Variants in NMBR observed in about 807,000 individuals in gnomAD.
The protein encoded by NMBR is neuromedin B receptor.
Under a neutral mutation model 20.5 loss-of-function variants are expected in NMBR, and 16 were observed. That is an observed-to-expected ratio of 0.78 (90% CI 0.53 to 1.19). NMBR has a LOEUF of 1.19. Ranked by LOEUF, NMBR falls within the 50% of genes most tolerant of loss-of-function variation. NMBR has a pLI of 0.00. For synonymous variants in NMBR, 212 were observed against 196.6 expected, an observed-to-expected ratio of 1.08 and a Z score of -0.65; for missense variants, 582 against 499.1, an observed-to-expected ratio of 1.17 and a Z score of -1.58.
intron 2 of NMBR, among the ~76,000 whole-genome samples, chr6:142,082,766 G>T (rs1777124425): frequency 6.6e-6 from 1 of 152,194 alleles, no homozygotes; most frequent in Non-Finnish European, 1.5e-5. Context: ...TGAAGAATCA[G>T]ATGCCTGCTC....
intron 3 of NMBR, among the ~76,000 whole-genome samples, chr6:142,077,652 T>C (rs1038433956): frequency 6.6e-6 from 1 of 152,212 alleles, no homozygotes; most frequent in African/African-American, 2.4e-5. Context: ...ACTTTACTAG[T>C]TTCTGCTGTT....
At chr6:142,132,366 A>C (rs1291926430) in intron 1 of NMBR, among the ~76,000 whole-genome samples, 2 of 152,180 alleles carry the variant, frequency 1.3e-5, no homozygotes, top group East Asian at 1.9e-4. Flanking sequence ...ACCCATAACA[A>C]TGTCTTACAG....
At chr6:142,119,776 AAG>A (rs1482390531) in intron 1 of NMBR, among the ~76,000 whole-genome samples, 1 of 151,936 alleles carries the variant, frequency 6.6e-6, no homozygotes, top group African/African-American at 2.4e-5. Context: ...CCTTGAAACA[AAG>A]AGTTTCAGAG....
In NMBR at chr6:142,075,719, T is replaced by C. The variant is rs2114549738; in HGVS notation, c.1102A>G (p.Asn368Asp). ...GAATTGGTCACCATGTTCTTAGCATTGCTTTTCAGAGATGTCATACGCACC... is the reference window on the plus strand; with the variant it reads ...GAATTGGTCACCATGTTCTTAGCATCGCTTTTCAGAGATGTCATACGCACC... ...SAVRMTSLKS[N>D]AKNMVTNSVL... The change falls in exon 4 of 4, where the codon AAT becomes GAT. Residue 368 changes from asparagine (N) to aspartate (D), a missense_variant. Asn to Asp is a conservative substitution (Grantham distance 23). Coordinates refer to ENST00000258042, the MANE Select transcript of NMBR (RefSeq NM_002511.4). 1 of 1,614,034 alleles carries C rather than the reference T, an allele frequency of 6.2e-7. No individual in the cohort carries two copies. The highest frequency in any genetic ancestry group is 1.1e-5 in the South Asian group (1 of 91,082).
intron 2 of NMBR, among the ~76,000 whole-genome samples, chr6:142,082,496 T>TA (rs942173562): frequency 4.0e-5 from 6 of 151,734 alleles, no homozygotes; most frequent in South Asian, 2.1e-4. Context: ...CATAGAGAAG[T>TA]AAAAAAAAGA....
intron 1 of NMBR, among the ~76,000 whole-genome samples, chr6:142,142,879 G>A (rs1000079733): frequency 6.6e-6 from 1 of 152,058 alleles, no homozygotes. Flanking sequence ...GAGTCTAGGA[G>A]TTTGAGATTA....
intron 1 of NMBR, among the ~76,000 whole-genome samples, chr6:142,099,528 C>T (rs1777521085): frequency 6.6e-6 from 1 of 151,796 alleles, no homozygotes; most frequent in Admixed American, 6.6e-5. Context: ...GGGGAAGTAT[C>T]CCCCTTGATT....
At chr6:142,091,687 T>C (rs1468214912) in intron 1 of NMBR, among the ~76,000 whole-genome samples, 3 of 152,200 alleles carry the variant, frequency 2.0e-5, no homozygotes, top group Admixed American at 6.5e-5. Context: ...CTCATGAAAC[T>C]GCATTTTGAA....
chr6:142,100,407 A>G (rs1777538032), intron 1 of NMBR, among the ~76,000 whole-genome samples: 1 of 152,226 alleles, frequency 6.6e-6, no homozygotes, highest in Non-Finnish European at 1.5e-5. Flanking sequence ...CCATAAAAAG[A>G]CATTGAAGAA....
At position 142,076,085 on chromosome 6, in the gene NMBR, T is replaced by C. The variant is rs376527294; in HGVS notation, c.772-36A>G. ...AAGAAATTGATCCCATTGGTTAAAGTGAAAATGGAACCAGCCACATACCAA... is the reference window on the plus strand; with the variant it reads ...AAGAAATTGATCCCATTGGTTAAAGCGAAAATGGAACCAGCCACATACCAA... On this transcript the variant is annotated intron_variant, in intron 3 of 3. Transcript: ENST00000258042. 6.6e-6 allele frequency: 10 copies of C among 1,523,442 alleles called. No homozygotes were observed. In the African/African-American group the frequency reaches 9.8e-5, roughly 15 times the overall value. The allele number at this position is 1,523,442 out of a possible 1,614,324, so 94.4% of individuals were successfully genotyped here. A position where few individuals can be genotyped will look rare whatever the true frequency, so the allele number is the denominator to read the frequency against.
intron 1 of NMBR, among the ~76,000 whole-genome samples, chr6:142,101,702 A>G (rs1777568310): frequency 6.6e-6 from 1 of 152,200 alleles, no homozygotes; most frequent in Admixed American, 6.5e-5. Context: ...AGCTCAATCC[A>G]AAACAATGGC....
At chr6:142,096,707 G>C (rs1408119445) in intron 1 of NMBR, among the ~76,000 whole-genome samples, 1 of 152,146 alleles carries the variant, frequency 6.6e-6, no homozygotes, top group Non-Finnish European at 1.5e-5. Context: ...GCAGAGCCGA[G>C]TTCAATTCCT....
chr6:142,085,582 C>T (rs893699398), intron 2 of NMBR, among the ~76,000 whole-genome samples: 1 of 152,140 alleles, frequency 6.6e-6, no homozygotes. Context: ...ACCCTTTGGC[C>T]ATATCAGACA....
At chr6:142,126,469 T>C (rs1045337238) in intron 1 of NMBR, among the ~76,000 whole-genome samples, 1 of 151,876 alleles carries the variant, frequency 6.6e-6, no homozygotes, top group African/African-American at 2.4e-5. Context: ...TATTTTTAAT[T>C]TTTTGAGGAA....
At chr6:142,105,801 A>G (rs969426342) in intron 1 of NMBR, among the ~76,000 whole-genome samples, 4 of 152,156 alleles carry the variant, frequency 2.6e-5, no homozygotes, top group African/African-American at 9.7e-5. Context: ...GTTTTATATC[A>G]CCATTTGTAG....
Position 142,075,683 on chromosome 6 carries a change from T to C in NMBR, c.1138A>G (p.Asn380Asp). 1 of 1,613,224 alleles carries C rather than the reference T, an allele frequency of 6.2e-7. No individual in the cohort carries two copies. Among genetic ancestry groups the C allele is most frequent in the Non-Finnish European group, 8.5e-7 (1 of 1,179,510 alleles). ...ATTTCCTGCTTCATGCTGTGCCCAT[T>C]TAGTAAAACAGAATTGGTCACCATG... ...KNMVTNSVLL[N>D]GHSMKQEMAL The change falls in exon 4 of 4, where the codon AAT becomes GAT. Residue 380 changes from asparagine to aspartate, a missense_variant. Coordinates refer to ENST00000258042, the MANE Select transcript of NMBR (RefSeq NM_002511.4).
rs768869842 is a variant in NMBR, at chr6:142,075,745, G to A, written c.1076C>T (p.Ala359Val). 2.4e-5 allele frequency: 38 copies of A among 1,613,802 alleles called. No homozygotes were observed. In the East Asian group the frequency reaches 4.0e-4, roughly 17 times the overall value. ...GCTTTTCAGAGATGTCATACGCACC[G>A]CTGAAGAGCTGAGTAGGTAGCTGGT... ...RGTSYLLSSS[A>V]VRMTSLKSNA... Residue 359 changes from alanine (A) to valine (V), a missense_variant, in exon 4 of 4, where the codon GCG becomes GTG. By Grantham distance (64) the Ala-to-Val change is moderately conservative. Coordinates refer to ENST00000258042, the MANE Select transcript of NMBR (RefSeq NM_002511.4).
chr6:142,111,839 AT>A (rs778971146), intron 1 of NMBR, among the ~76,000 whole-genome samples: 21 of 152,202 alleles, frequency 1.4e-4, no homozygotes, highest in Non-Finnish European at 2.6e-4. Flanking sequence ...TGGCTCCCAA[AT>A]AACTTGTTCA....
At chr6:142,090,049 G>C (rs1189124795) in intron 1 of NMBR, among the ~76,000 whole-genome samples, 1 of 152,060 alleles carries the variant, frequency 6.6e-6, no homozygotes, top group African/African-American at 2.4e-5. Context: ...TTATGATTGA[G>C]TAATGCCACT....
Sources: allele counts gnomAD v4.1 joint callset (sites outside exome capture counted in the v4.1 genomes callset), GRCh38; gene constraint gnomAD v4.1.1; transcripts MANE v1.5; gene names NCBI Gene and HGNC (gene_info 2026-07-23, HGNC 2026-07-21).